The following NBPF15 variants were observed in gnomAD, a reference collection of about 807,000 sequenced individuals.
NBPF15 encodes NBPF member 15, also known as NBPF family member NBPF15.
In NBPF15, 74 loss-of-function variants were observed where a neutral mutation model predicts 62.2. That is an observed-to-expected ratio of 1.19 (90% CI 0.99 to 1.44). The LOEUF (loss-of-function observed/expected upper bound fraction) is 1.44. NBPF15 is among the 40% of genes most tolerant of loss of function. NBPF15 has a pLI of 0.00. For synonymous variants in NBPF15, 244 were observed against 209.7 expected, an observed-to-expected ratio of 1.16 and a Z score of -1.41; for missense variants, 790 against 550.0, an observed-to-expected ratio of 1.44 and a Z score of -4.36.
chr1:144,431,417 T>C (rs1276742901), intron 13 of NBPF15, among the ~76,000 whole-genome samples: 8 of 150,854 alleles, frequency 5.3e-5, no homozygotes, highest in Admixed American at 5.3e-4. Context: ...GGGAGCAATA[T>C]TCAACATTCT....
At position 144,422,860 on chromosome 1, in the gene NBPF15, G is replaced by A. The variant is rs1251584566; in HGVS notation, c.*153C>T. 18 of 1,565,224 alleles carry A rather than the reference G, an allele frequency of 1.2e-5. No homozygotes were observed. Among genetic ancestry groups the A allele is most frequent in the Non-Finnish European group, 1.5e-5 (17 of 1,154,938 alleles). ...ATTGTCTTCAGATTGAGCACAGGTT[G>A]CCAATGGCATGGTTTGAGAATAGGA... On this transcript the variant is annotated 3_prime_UTR_variant, in exon 22 of 22. Coordinates refer to ENST00000581897, the MANE Select transcript of NBPF15 (RefSeq NM_001385408.1).
intron 4 of NBPF15, among the ~76,000 whole-genome samples, chr1:144,452,083 T>C (rs1175546463): frequency 1.3e-5 from 2 of 150,950 alleles, no homozygotes; most frequent in Non-Finnish European, 2.9e-5. Flanking sequence ...ACTCAGGAGG[T>C]GGAGGTTGCA....
chr1:144,451,783 G>C (rs1193741831), intron 4 of NBPF15, among the ~76,000 whole-genome samples: 5 of 151,416 alleles, frequency 3.3e-5, no homozygotes, highest in Non-Finnish European at 5.9e-5. Context: ...ATTTTTCTTA[G>C]TACAGAACAA....
chr1:144,435,287 A>G lies in NBPF15; in HGVS notation c.596T>C (p.Val199Ala). The G allele has an allele frequency of 6.2e-7, 1 of 1,611,608 alleles. No individual in the cohort carries two copies. The highest frequency in any genetic ancestry group is 2.2e-5 in the East Asian group (1 of 44,858). Residue 199 changes from valine (V) to alanine (A), a missense_variant, in exon 12 of 22, where the codon GTC becomes GCC. By Grantham distance (64) the Val-to-Ala change is moderately conservative. Transcript: ENST00000581897. ...REMQKAEEKE[V>A]PEDSLEECAI... is the part of the protein sequence containing the mutation. The stretch of plus-strand genomic sequence containing the variant: ...ACATTCCTCCAGTGAGTCCTCAGGG[A>G]CTTCCTTTTCTTCAGCCTTCTGCAT...
At chr1:144,437,319 C>T (rs1679246535) in intron 9 of NBPF15, among the ~76,000 whole-genome samples, 1 of 151,518 alleles carries the variant, frequency 6.6e-6, no homozygotes, top group Non-Finnish European at 1.5e-5. Context: ...GCAAGATCCT[C>T]GATGATGTTC....
rs1318241173 is a variant in NBPF15 at position 144,431,582 on chromosome 1, G to A, written c.825-1719C>T. ...TATGTATACATGTCCACATTGGTGT[G>A]CTTCACCCATTAACTCATCATTTAA... On this transcript the variant is annotated intron_variant, in intron 13 of 21. Transcript: ENST00000581897. Among the ~76,000 whole-genome samples the A allele has an allele frequency of 2.5e-4, 36 of 144,190 alleles. 1 individual carries two copies. The highest frequency in any genetic ancestry group is 9.2e-4 in the African/African-American group (36 of 38,960). 94.6% of individuals were successfully genotyped at this position (144,190 alleles called of 152,430 possible).
chr1:144,443,651 G>A (rs1685150886), intron 6 of NBPF15, among the ~76,000 whole-genome samples: 1 of 151,796 alleles, frequency 6.6e-6, no homozygotes, highest in African/African-American at 2.4e-5. Flanking sequence ...GTATTGTTAA[G>A]CATGTAATGA....
chr1:144,449,965 CTT>C (rs1690084738), intron 5 of NBPF15, among the ~76,000 whole-genome samples: 1 of 128,326 alleles, frequency 7.8e-6, no homozygotes, highest in Non-Finnish European at 1.7e-5. Context: ...GGATTTTAAA[CTT>C]TTGATCTGAT....
At chr1:144,423,721 C>T (rs1459094819) in intron 21 of NBPF15, 149 bp downstream of exon 21, 155 of 678,284 alleles carry the variant, frequency 2.3e-4, no homozygotes, top group Non-Finnish European at 3.3e-4. Flanking sequence ...GAAACCTAAA[C>T]ATCTACTGCA....
rs1681820073 is a variant in NBPF15 at position 144,440,326 on chromosome 1, G to A, written c.-190-31C>T. Reference sequence around the variant, plus strand: ...GTTGCAATAACAGAATTAGAAGGTGGGGGTGTCATGGAATCTTAGGAGCCC... The same window carrying A: ...GTTGCAATAACAGAATTAGAAGGTGAGGGTGTCATGGAATCTTAGGAGCCC... On this transcript the variant is annotated intron_variant, in intron 6 of 21. Transcript: ENST00000581897. The A allele has an allele frequency of 7.2e-6, 9 of 1,242,624 alleles. No homozygotes were observed. In the South Asian group the frequency reaches 1.1e-4, roughly 15 times the overall value. 77.0% of individuals were successfully genotyped at this position (1,242,624 alleles called of 1,614,324 possible).
intron 17 of NBPF15, among the ~76,000 whole-genome samples, chr1:144,426,740 C>A (rs1184007618): frequency 2.0e-5 from 3 of 151,658 alleles, no homozygotes; most frequent in African/African-American, 7.3e-5. Context: ...TTAGTGCGCT[C>A]GGGACACACA....
intron 6 of NBPF15, 113 bp from the exon 7 acceptor site, chr1:144,440,408 G>T: frequency 1.7e-6 from 1 of 603,784 alleles, no homozygotes; most frequent in Non-Finnish European, 2.9e-6. Context: ...TCACCTGAGG[G>T]TCACCACCAA....
At chr1:144,431,717 C>T (rs1237149051) in intron 13 of NBPF15, among the ~76,000 whole-genome samples, 3 of 125,412 alleles carry the variant, frequency 2.4e-5, no homozygotes, top group Non-Finnish European at 4.9e-5. Context: ...TGTTCAATTC[C>T]CACCTGTGAG....
At chr1:144,455,039 A>G (rs1394326389) in intron 4 of NBPF15, among the ~76,000 whole-genome samples, 9 of 151,190 alleles carry the variant, frequency 6.0e-5, no homozygotes, top group Admixed American at 2.6e-4. Flanking sequence ...GAGACAAAGA[A>G]AAAGAAAAGA....
chr1:144,438,884 G>A lies in NBPF15; in HGVS notation c.176-837C>T, dbSNP rs1300851122. ...GTTATCTCCACACATTCTCGGATGC[G>A]ATCTTTCTTCCTCTTTAGCAACAAG... On this transcript the variant is annotated intron_variant, in intron 8 of 21. Coordinates refer to ENST00000581897, the MANE Select transcript of NBPF15 (RefSeq NM_001385408.1). Among the ~76,000 whole-genome samples the A allele has an allele frequency of 4.6e-5, 7 of 151,892 alleles. 1 individual carries two copies. The highest frequency in any genetic ancestry group is 8.8e-5 in the Non-Finnish European group (6 of 67,962).
intron 4 of NBPF15, among the ~76,000 whole-genome samples, chr1:144,455,304 G>A (rs1195392104): frequency 6.7e-6 from 1 of 150,228 alleles, no homozygotes; most frequent in Non-Finnish European, 1.5e-5. Flanking sequence ...AAGGAAGGAA[G>A]GAAATGAACA....
chr1:144,459,884 C>T (rs1472280703), intron 2 of NBPF15, among the ~76,000 whole-genome samples: 2 of 151,886 alleles, frequency 1.3e-5, no homozygotes, highest in South Asian at 4.2e-4. Context: ...TTTGGGAAAA[C>T]GTTCAACAAT....
At chr1:144,445,348 T>C (rs1211224419) in intron 6 of NBPF15, among the ~76,000 whole-genome samples, 2 of 130,108 alleles carry the variant, frequency 1.5e-5, no homozygotes, top group Non-Finnish European at 3.2e-5. Context: ...TATATATATA[T>C]ATATATACAC....
rs61812046 is a variant in NBPF15, at chr1:144,461,533, G to A, written c.-1090C>T. 0.029 allele frequency: 4,436 copies of A among 153,276 alleles called. 141 individuals carry two copies. Among genetic ancestry groups the A allele is most frequent in the Non-Finnish European group, 0.047 (3,228 of 69,024 alleles). The allele number at this position is 153,276 out of a possible 1,614,324, so 9.5% of individuals were successfully genotyped here. ...CCCGTCCCGCGTTCCCAAAAGCACC[G>A]CGTTCACTCAGATGCTCACGCAGCC... On this transcript the variant is annotated 5_prime_UTR_variant, in exon 1 of 22. Coordinates refer to ENST00000581897, the MANE Select transcript of NBPF15 (RefSeq NM_001385408.1).
Sources: allele counts gnomAD v4.1 joint callset (sites outside exome capture counted in the v4.1 genomes callset), GRCh38; gene constraint gnomAD v4.1.1; transcripts MANE v1.5; gene names NCBI Gene and HGNC (gene_info 2026-07-23, HGNC 2026-07-21).